The following TMEM222 variants were observed in gnomAD, a reference collection of about 807,000 sequenced individuals.
The protein encoded by TMEM222 is chromosome 1 open reading frame 160.
In TMEM222, 18 loss-of-function variants were observed where a neutral mutation model predicts 25.1. The observed-to-expected ratio is 0.72, with a 90% CI of 0.50 to 1.06. The LOEUF is 1.06. TMEM222 is among the 50% of genes least tolerant of loss of function. TMEM222 has a pLI of 0.00. For synonymous variants in TMEM222, 131 were observed against 117.9 expected, an observed-to-expected ratio of 1.11 and a Z score of -0.72; for missense variants, 296 against 293.7, an observed-to-expected ratio of 1.01 and a Z score of -0.06.
intron 1 of TMEM222, chr1:27,325,535 C>G: frequency 7.1e-7 from 1 of 1,416,452 alleles, no homozygotes; most frequent in Non-Finnish European, 1.0e-6. Context: ...ACGTAGACAT[C>G]CGCAAAGACC....
chr1:27,334,296 T>C lies in TMEM222; in HGVS notation c.539+15T>C, dbSNP rs2014553865. ...AAGTACGTCAGGTGAGCTGCCCTCCTGCCTGCCCACCCACACACTGCCCAG... is the reference window on the plus strand; with the variant it reads ...AAGTACGTCAGGTGAGCTGCCCTCCCGCCTGCCCACCCACACACTGCCCAG... On this transcript the variant is annotated intron_variant, in intron 5 of 5. Coordinates refer to ENST00000374076, the MANE Select transcript of TMEM222 (RefSeq NM_032125.3). The C allele has an allele frequency of 6.2e-7, 1 of 1,613,928 alleles. No individual in the cohort carries two copies. Among genetic ancestry groups the C allele is most frequent in the African/African-American group, 1.3e-5 (1 of 74,940 alleles).
intron 1 of TMEM222, among the ~76,000 whole-genome samples, chr1:27,326,047 A>G (rs147798590): frequency 1.5e-4 from 23 of 152,228 alleles, no homozygotes; most frequent in Middle Eastern, 3.4e-3. Flanking sequence ...TTTGCTTTCA[A>G]CCCTTAGTAC....
chr1:27,326,525 C>CA (rs538304987), intron 1 of TMEM222, among the ~76,000 whole-genome samples: 12 of 149,838 alleles, frequency 8.0e-5, no homozygotes, highest in Middle Eastern at 3.2e-3. Flanking sequence ...CTGCTGTAAC[C>CA]AAAAAAAAGG....
chr1:27,335,756 C>T lies in TMEM222; in HGVS notation c.*290C>T, dbSNP rs780302079. On this transcript the variant is annotated 3_prime_UTR_variant, in exon 6 of 6. Coordinates refer to ENST00000374076, the MANE Select transcript of TMEM222 (RefSeq NM_032125.3). ...GCTTTGGCTTCCCGCTGTAGAGCTG[C>T]TCCCGCCACCACCTGCTGGGGTCCT... 53 of 454,796 alleles carry T rather than the reference C, an allele frequency of 1.2e-4. No individual in the cohort carries two copies. Among genetic ancestry groups the T allele is most frequent in the Non-Finnish European group, 1.9e-4 (46 of 246,496 alleles). The allele number at this position is 454,796 out of a possible 1,614,324, so 28.2% of individuals were successfully genotyped here. A position where few individuals can be genotyped will look rare whatever the true frequency, so the allele number is the denominator to read the frequency against.
chr1:27,332,242 C>G, intron 3 of TMEM222, 141 bp downstream of exon 3: 1 of 976,784 alleles, frequency 1.0e-6, no homozygotes, highest in East Asian at 2.5e-5. Flanking sequence ...CCAGGGTCCA[C>G]CAGAGCATGG....
intron 3 of TMEM222, 109 bp from the exon 4 acceptor site, chr1:27,333,849 T>C (rs12758154): frequency 0.41 from 391,339 of 948,272 alleles, 84,831 homozygotes; most frequent in Non-Finnish European, 0.46. Flanking sequence ...TTACTGTACA[T>C]CTCAGCACCC....
At chr1:27,332,754 G>A in intron 3 of TMEM222, 1 of 549,110 alleles carries the variant, frequency 1.8e-6, no homozygotes, top group Admixed American at 3.1e-5. Flanking sequence ...ATGGCCTGGA[G>A]CAGGGCTTCC....
chr1:27,334,124 C>G, intron 4 of TMEM222, 27 bp from the exon 5 acceptor site: 1 of 1,614,060 alleles, frequency 6.2e-7, no homozygotes, highest in South Asian at 1.1e-5. Context: ...TGCAGCCCAT[C>G]CTGACCAGCC....
At chr1:27,333,645 C>CA (rs2014535122) in intron 3 of TMEM222, 1 of 417,190 alleles carries the variant, frequency 2.4e-6, no homozygotes, top group Non-Finnish European at 4.6e-6. Context: ...ATGGCCTAAT[C>CA]ACCTCCCAAA....
chr1:27,333,679 C>A, intron 3 of TMEM222: 1 of 480,026 alleles, frequency 2.1e-6, no homozygotes, highest in East Asian at 4.0e-5. Flanking sequence ...CATACCATCA[C>A]CTTGAGGGTT....
chr1:27,325,457 G>A, intron 1 of TMEM222: 2 of 1,344,028 alleles, frequency 1.5e-6, no homozygotes, highest in Non-Finnish European at 2.1e-6. Context: ...CGCTGTTCCA[G>A]CCTTCCTTCC....
At chr1:27,332,375 G>C (rs1239480017) in intron 3 of TMEM222, 1 of 717,456 alleles carries the variant, frequency 1.4e-6, no homozygotes, top group African/African-American at 1.7e-5. Flanking sequence ...GTGAGGAAAG[G>C]GAAGGGACTT....
At position 27,336,384 on chromosome 1, in the gene TMEM222, A is replaced by G. The variant is rs2014609386; in HGVS notation, c.*918A>G. 1 of 152,320 alleles carries G rather than the reference A, an allele frequency of 6.6e-6. No individual in the cohort carries two copies. The highest frequency in any genetic ancestry group is 1.5e-5 in the Non-Finnish European group (1 of 68,188). The allele number at this position is 152,320 out of a possible 1,614,324, so 9.4% of individuals were successfully genotyped here. ...GGAAGGGCTCCCTGGGCAGGACAAT[A>G]AAGAGTTTTGACTCCAGTTGGTGCC... On this transcript the variant is annotated 3_prime_UTR_variant, in exon 6 of 6. Transcript: ENST00000374076.
chr1:27,324,123 C>A (rs1319218375), intron 1 of TMEM222, among the ~76,000 whole-genome samples: 3 of 152,152 alleles, frequency 2.0e-5, no homozygotes, highest in Non-Finnish European at 4.4e-5. Flanking sequence ...GTCAGGAGTT[C>A]AAGACAAGCC....
chr1:27,327,386 T>TTTTA (rs1043225334), intron 1 of TMEM222, among the ~76,000 whole-genome samples: 7 of 152,078 alleles, frequency 4.6e-5, no homozygotes, highest in Admixed American at 6.5e-5. Flanking sequence ...TGTTTTTAAT[T>TTTTA]TTTATTTATT....
chr1:27,334,751 A>G, intron 5 of TMEM222: 1 of 1,240,894 alleles, frequency 8.1e-7, no homozygotes, highest in Non-Finnish European at 1.0e-6. Flanking sequence ...GTGAGCCAGC[A>G]TAGGTTAGTG....
chr1:27,322,770 A>G (rs1286408430), intron 1 of TMEM222, among the ~76,000 whole-genome samples: 2 of 152,130 alleles, frequency 1.3e-5, no homozygotes, highest in Non-Finnish European at 2.9e-5. Flanking sequence ...ACCATATTCC[A>G]GACATACTGC....
At position 27,334,177 on chromosome 1, in the gene TMEM222, C is replaced by T. The variant is rs2014549059; in HGVS notation, c.435C>T (p.His145=). The change falls in exon 5 of 6, where the codon CAC becomes CAT. Residue 145 remains histidine, a synonymous_variant. Coordinates refer to ENST00000374076, the MANE Select transcript of TMEM222 (RefSeq NM_032125.3). ...RMHNLCCDNC[H]SHVALALNLM... Reference sequence around the variant, plus strand: ...ACAATCTCTGCTGTGACAACTGCCACTCGCACGTGGCATTGGCCCTGAATC... The same window carrying T: ...ACAATCTCTGCTGTGACAACTGCCATTCGCACGTGGCATTGGCCCTGAATC... 2.5e-6 allele frequency: 4 copies of T among 1,614,212 alleles called. No homozygotes were observed. The East Asian group carries it at 8.9e-5, about 36-fold the overall frequency.
chr1:27,333,315 CTTCT>C (rs1376856574), intron 3 of TMEM222: 1 of 470,966 alleles, frequency 2.1e-6, no homozygotes, highest in Non-Finnish European at 4.4e-6. Flanking sequence ...ATGCCCACCT[CTTCT>C]TTCTATGCCT....
Sources: gnomAD v4.1 joint callset for allele counts (sites outside exome capture counted in the v4.1 genomes callset) on GRCh38, gnomAD v4.1.1 for gene constraint, MANE v1.5 for transcripts, NCBI Gene and HGNC (gene_info 2026-07-23, HGNC 2026-07-21) for gene names.